Variants in DTNBP1 observed in about 807,000 individuals in gnomAD.
The protein encoded by DTNBP1 is dysbindin.
In DTNBP1, 35 loss-of-function variants were observed where a neutral mutation model predicts 42.8. The ratio of observed to expected loss-of-function variants is 0.82; its 90% CI spans 0.63 to 1.09. The LOEUF is 1.09. Ranked by LOEUF, DTNBP1 falls within the 50% of genes least tolerant of loss-of-function variation. DTNBP1 has a pLI of 0.00. For synonymous variants in DTNBP1, 171 were observed against 162.2 expected (o/e 1.05, Z -0.41); for missense variants, 457 against 424.2 (o/e 1.08, Z -0.68).
At chr6:15,609,272 T>C (rs1217533426) in intron 6 of DTNBP1, among the ~76,000 whole-genome samples, 1 of 152,044 alleles carries the variant, frequency 6.6e-6, no homozygotes, top group Non-Finnish European at 1.5e-5. Flanking sequence ...AAATACAAAA[T>C]GGGCTCTTAC....
intron 7 of DTNBP1, among the ~76,000 whole-genome samples, chr6:15,556,623 CA>C (rs1174154066): frequency 6.6e-6 from 1 of 152,180 alleles, no homozygotes; most frequent in Non-Finnish European, 1.5e-5. Context: ...TGCTGGAGAT[CA>C]AGATCCCTTT....
chr6:15,557,633 T>C (rs1774604338), intron 7 of DTNBP1, among the ~76,000 whole-genome samples: 1 of 152,164 alleles, frequency 6.6e-6, no homozygotes, highest in African/African-American at 2.4e-5. Context: ...ATCTGGCCCA[T>C]GAAGAAGAAT....
chr6:15,545,990 C>A (rs547349071), intron 7 of DTNBP1: 8 of 446,232 alleles, frequency 1.8e-5, no homozygotes, highest in Non-Finnish European at 3.1e-5. Context: ...ACCATGCACC[C>A]TGGAGGCCTC....
At chr6:15,624,786 GTAA>G (rs1416699026) in intron 5 of DTNBP1, among the ~76,000 whole-genome samples, 1 of 151,354 alleles carries the variant, frequency 6.6e-6, no homozygotes, top group Non-Finnish European at 1.5e-5. Flanking sequence ...AGGTATTTGG[GTAA>G]TAATAGGAGA....
intron 8 of DTNBP1, among the ~76,000 whole-genome samples, chr6:15,532,676 A>G (rs1207739617): frequency 6.8e-6 from 1 of 147,266 alleles, no homozygotes; most frequent in Non-Finnish European, 1.5e-5. Context: ...GTTCTCTAGA[A>G]GCATAATTTG....
At chr6:15,563,111 C>CA (rs578213293) in intron 7 of DTNBP1, among the ~76,000 whole-genome samples, 10 of 152,318 alleles carry the variant, frequency 6.6e-5, no homozygotes, top group African/African-American at 2.2e-4. Flanking sequence ...CCCACCTACA[C>CA]ATGCTCTTCC....
chr6:15,643,475 C>G (rs1255128587), intron 3 of DTNBP1, among the ~76,000 whole-genome samples: 1 of 151,682 alleles, frequency 6.6e-6, no homozygotes, highest in Non-Finnish European at 1.5e-5. Context: ...AGATGACATC[C>G]CCGAGACAAA....
intron 8 of DTNBP1, among the ~76,000 whole-genome samples, chr6:15,530,103 ACTG>A (rs1302540666): frequency 1.3e-5 from 2 of 152,400 alleles, no homozygotes; most frequent in African/African-American, 4.8e-5. Flanking sequence ...TGAAATTCCA[ACTG>A]CTATTTCTGA....
chr6:15,526,840 A>C (rs1361383636), intron 8 of DTNBP1, among the ~76,000 whole-genome samples: 3 of 152,234 alleles, frequency 2.0e-5, no homozygotes, highest in African/African-American at 7.2e-5. Flanking sequence ...AACTGGACTA[A>C]GAAGCATAAG....
Position 15,598,201 on chromosome 6 carries a change from C to T in DTNBP1, c.489-5120G>A, listed in dbSNP as rs138401993. Among the ~76,000 whole-genome samples, 552 of 152,214 alleles carry T rather than the reference C, an allele frequency of 3.6e-3. 8 individuals carry two copies. Among genetic ancestry groups the T allele is most frequent in the Admixed American group, 0.034 (524 of 15,292 alleles). On this transcript the variant is annotated intron_variant, in intron 6 of 9. Coordinates refer to ENST00000344537, the MANE Select transcript of DTNBP1 (RefSeq NM_032122.5). ...GAAAGAAAGAATCACATTAATAAGC[C>T]TATGGAATGTTACAAGAAGTATATT... is the stretch of plus-strand genomic sequence containing the variant.
chr6:15,631,696 C>T, intron 4 of DTNBP1, among the ~76,000 whole-genome samples: 1 of 152,146 alleles, frequency 6.6e-6, no homozygotes, highest in Non-Finnish European at 1.5e-5. Flanking sequence ...CCAAGATATC[C>T]ATCTCCTCAT....
intron 7 of DTNBP1, among the ~76,000 whole-genome samples, chr6:15,569,484 A>C (rs577519994): frequency 6.6e-5 from 10 of 151,812 alleles, no homozygotes; most frequent in Non-Finnish European, 1.3e-4. Context: ...CAAACCCCTT[A>C]AAATCTCTAG....
chr6:15,648,512 C>T (rs1268841603), intron 3 of DTNBP1, among the ~76,000 whole-genome samples: 11 of 151,894 alleles, frequency 7.2e-5, no homozygotes, highest in Non-Finnish European at 1.2e-4. Context: ...GAAAGTTCCA[C>T]ACAAAAAACT....
Position 15,548,858 on chromosome 6 carries a change from T to C in DTNBP1, c.512-15463A>G, listed in dbSNP as rs140386864. On this transcript the variant is annotated intron_variant, in intron 7 of 9. Transcript: ENST00000344537. The stretch of plus-strand genomic sequence containing the variant: ...AGTGATTGAACATAATATTAAAATC[T>C]ATGGTTTGGGTTTTGTTATTTGTTT... Among the ~76,000 whole-genome samples the C allele has an allele frequency of 1.4e-3, 218 of 152,320 alleles. 1 individual carries two copies. The highest frequency in any genetic ancestry group is 5.0e-3 in the African/African-American group (207 of 41,578).
chr6:15,590,293 C>A (rs1047062068), intron 7 of DTNBP1, among the ~76,000 whole-genome samples: 28 of 151,736 alleles, frequency 1.8e-4, no homozygotes, highest in African/African-American at 6.6e-4. Context: ...TCTTTCAGGT[C>A]ACCAATGACC....
intron 5 of DTNBP1, among the ~76,000 whole-genome samples, chr6:15,624,230 T>C (rs554617680): frequency 1.3e-5 from 2 of 152,238 alleles, no homozygotes; most frequent in South Asian, 2.1e-4. Context: ...CTTGGAGCCA[T>C]TGAGAAATCT....
At chr6:15,597,661 T>G (rs1372454283) in intron 6 of DTNBP1, among the ~76,000 whole-genome samples, 1 of 152,178 alleles carries the variant, frequency 6.6e-6, no homozygotes, top group Non-Finnish European at 1.5e-5. Flanking sequence ...GTAATGTGGT[T>G]CTGTTCATAC....
chr6:15,536,696 C>G (rs1322164230), intron 7 of DTNBP1, among the ~76,000 whole-genome samples: 2 of 152,232 alleles, frequency 1.3e-5, no homozygotes, highest in East Asian at 1.9e-4. Context: ...GCTGCCCCAC[C>G]ACCTCCACAG....
intron 7 of DTNBP1, among the ~76,000 whole-genome samples, chr6:15,550,121 T>C (rs780600588): frequency 3.9e-5 from 6 of 152,226 alleles, no homozygotes; most frequent in Non-Finnish European, 8.8e-5. Context: ...GTAATGATTA[T>C]CAACATTAAT....
Sources: gnomAD v4.1 joint callset for allele counts (sites outside exome capture counted in the v4.1 genomes callset) on GRCh38, gnomAD v4.1.1 for gene constraint, MANE v1.5 for transcripts, NCBI Gene and HGNC (gene_info 2026-07-23, HGNC 2026-07-21) for gene names.